SAFB2: variants seen among roughly 807,000 people sequenced by gnomAD.
SAFB2 encodes scaffold attachment factor B2.
SAFB2 carries 32 observed loss-of-function variants against 100.6 expected under a neutral mutation model. The ratio of observed to expected loss-of-function variants is 0.32; its 90% CI spans 0.24 to 0.43. The LOEUF (loss-of-function observed/expected upper bound fraction) is 0.43, where lower values mean the gene tolerates loss of function less well. Among genes scored for constraint, SAFB2 ranks in the 20% least tolerant of loss-of-function variants. SAFB2 has a pLI of 1.00. For synonymous variants in SAFB2, 500 were observed against 439.4 expected (o/e 1.14, Z -1.72); for missense variants, 1,185 against 1,163.4 (o/e 1.02, Z -0.27).
intron 18 of SAFB2, 69 bp from the exon 19 acceptor site, chr19:5,588,049 CCA>C: frequency 7.2e-7 from 1 of 1,380,292 alleles, no homozygotes; most frequent in Non-Finnish European, 9.9e-7. Context: ...GCAGGCGCAC[CCA>C]CCCTGACCTC....
At chr19:5,605,420 T>G (rs2052754924) in intron 9 of SAFB2, among the ~76,000 whole-genome samples, 1 of 152,160 alleles carries the variant, frequency 6.6e-6, no homozygotes. Flanking sequence ...ATACAACTGC[T>G]TTTAATACAA....
At chr19:5,593,606 A>C (rs1042583375) in intron 15 of SAFB2, 2 of 387,082 alleles carry the variant, frequency 5.2e-6, no homozygotes, top group Non-Finnish European at 9.2e-6. Context: ...TCCACGGGTA[A>C]GTGGAGAGGA....
At chr19:5,607,672 C>T (rs1270787701) in intron 9 of SAFB2, among the ~76,000 whole-genome samples, 1 of 152,198 alleles carries the variant, frequency 6.6e-6, no homozygotes, top group Non-Finnish European at 1.5e-5. Flanking sequence ...CCAAGCCCAC[C>T]ACCACTGGCG....
At position 5,590,364 on chromosome 19, in the gene SAFB2, G is replaced by C; in HGVS notation, c.2439C>G (p.Arg813=). 1 of 1,611,986 alleles carries C rather than the reference G, an allele frequency of 6.2e-7. No homozygotes were observed. The highest frequency in any genetic ancestry group is 1.1e-5 in the South Asian group (1 of 90,558). The change falls in exon 18 of 21, where the codon CGC becomes CGG. Residue 813 remains arginine (R), a synonymous_variant. Transcript: ENST00000252542. The stretch of plus-strand genomic sequence containing the variant: ...AGCCATCACGGGAGTCCCGGCCGTG[G>C]CGCTCTGGGGGTCCTCCGTGGCCAT... The part of the protein sequence containing the change: ...DRHGHGGPPE[R]HGRDSRDGWG...
chr19:5,595,224 C>T (rs2052510541), intron 14 of SAFB2, 137 bp downstream of exon 14: 1 of 1,187,936 alleles, frequency 8.4e-7, no homozygotes, highest in African/African-American at 1.5e-5. Context: ...CCTCGAGGAC[C>T]CAGGTTAAGC....
chr19:5,605,183 C>T (rs1245366456), intron 9 of SAFB2, among the ~76,000 whole-genome samples: 4 of 151,536 alleles, frequency 2.6e-5, no homozygotes, highest in African/African-American at 7.3e-5. Flanking sequence ...CGGCTCACCG[C>T]GACCTCCGCC....
chr19:5,620,411 T>TA (rs1017891766), intron 2 of SAFB2, among the ~76,000 whole-genome samples: 2 of 152,218 alleles, frequency 1.3e-5, no homozygotes, highest in Non-Finnish European at 2.9e-5. Flanking sequence ...CTTATCACCA[T>TA]AAAACCTAAC....
intron 2 of SAFB2, 147 bp from the exon 3 acceptor site, chr19:5,616,633 A>G: frequency 1.7e-6 from 1 of 581,508 alleles, no homozygotes; most frequent in Non-Finnish European, 2.9e-6. Context: ...ATTTTGTCTC[A>G]ATTTGTTTTC....
At chr19:5,617,880 G>A (rs1018459313) in intron 2 of SAFB2, among the ~76,000 whole-genome samples, 2 of 152,126 alleles carry the variant, frequency 1.3e-5, no homozygotes, top group East Asian at 1.9e-4. Flanking sequence ...AGTGGTTCAC[G>A]CCTGTAATCC....
Position 5,592,739 on chromosome 19 carries a change from C to T in SAFB2, c.2348+8G>A. The T allele has an allele frequency of 6.2e-7, 1 of 1,613,890 alleles. No homozygotes were observed. Among genetic ancestry groups the T allele is most frequent in the East Asian group, 2.2e-5 (1 of 44,884 alleles). On this transcript the variant is annotated splice_region_variant and intron_variant, in intron 16 of 20. Coordinates refer to ENST00000252542, the MANE Select transcript of SAFB2 (RefSeq NM_014649.3). ...ACTGTAGCTAAAGGAGGGGACAAGA[C>T]CACTGACCTGTCGATGGCGTGGTCC... is the stretch of plus-strand genomic sequence containing the variant.
Position 5,609,986 on chromosome 19 carries a change from A to C in SAFB2, c.1296+9T>G, listed in dbSNP as rs1257364568. On this transcript the variant is annotated intron_variant, in intron 9 of 20. Transcript: ENST00000252542. ...CACAGTGGATGGTATGAGGCAAGGG[A>C]AGGCATACCTTCCCATACTTGCTGA... The C allele has an allele frequency of 2.5e-6, 4 of 1,611,050 alleles. No individual in the cohort carries two copies. Among genetic ancestry groups the C allele is most frequent in the Non-Finnish European group, 3.4e-6 (4 of 1,177,664 alleles).
At chr19:5,615,650 T>G (rs1485664567) in intron 4 of SAFB2, among the ~76,000 whole-genome samples, 4 of 151,778 alleles carry the variant, frequency 2.6e-5, no homozygotes, top group African/African-American at 7.3e-5. Flanking sequence ...TGCAGTGAAT[T>G]ATGATGACCC....
rs1237737381 is a variant in SAFB2 at position 5,610,632 on chromosome 19, A to G, written c.1195+7T>C. 14 of 1,565,116 alleles carry G rather than the reference A, an allele frequency of 8.9e-6. No homozygotes were observed. Among genetic ancestry groups the G allele is most frequent in the Non-Finnish European group, 1.2e-5 (14 of 1,141,806 alleles). On this transcript the variant is annotated splice_region_variant and intron_variant, in intron 8 of 20. Coordinates refer to ENST00000252542, the MANE Select transcript of SAFB2 (RefSeq NM_014649.3). ...CTGGCTCCCTACCACGTTAAATTAA[A>G]TCATACCTTTTTCATCTTTAATGAT...
chr19:5,606,700 G>T (rs988030995), intron 9 of SAFB2, among the ~76,000 whole-genome samples: 1 of 152,142 alleles, frequency 6.6e-6, no homozygotes, highest in Non-Finnish European at 1.5e-5. Flanking sequence ...ACACAAATTG[G>T]TAACTGAAGG....
At chr19:5,620,440 C>G (rs576268903) in intron 2 of SAFB2, among the ~76,000 whole-genome samples, 2 of 152,262 alleles carry the variant, frequency 1.3e-5, no homozygotes, top group East Asian at 3.9e-4. Flanking sequence ...CTGGGATAGT[C>G]AAAGCTTCAA....
In SAFB2 at chr19:5,591,760, G is replaced by A. The variant is rs1482674293; in HGVS notation, c.2382C>T (p.His794=). 1 of 1,613,984 alleles carries A rather than the reference G, an allele frequency of 6.2e-7. No individual in the cohort carries two copies. The highest frequency in any genetic ancestry group is 8.5e-7 in the Non-Finnish European group (1 of 1,179,956). Residue 794 remains histidine (H), a synonymous_variant, in exon 17 of 21, where the codon CAC becomes CAT. Coordinates refer to ENST00000252542, the MANE Select transcript of SAFB2 (RefSeq NM_014649.3). ...REGSRPMMGD[H]RDGQHYGDDR... ...GGGCTCTACTCACCTGCCCATCCCG[G>A]TGGTCTCCCATCATTGGCCTCGAAC...
intron 15 of SAFB2, 74 bp from the exon 16 acceptor site, chr19:5,592,961 G>A: frequency 6.9e-7 from 1 of 1,453,532 alleles, no homozygotes. Flanking sequence ...GGAGGTGGAG[G>A]TGGGGAGGGG....
At chr19:5,608,577 T>C (rs957421287) in intron 9 of SAFB2, among the ~76,000 whole-genome samples, 2 of 152,186 alleles carry the variant, frequency 1.3e-5, no homozygotes, top group African/African-American at 4.8e-5. Context: ...AACCAACACC[T>C]GATCGGGTGA....
intron 9 of SAFB2, among the ~76,000 whole-genome samples, chr19:5,605,930 G>A (rs1202227054): frequency 3.9e-5 from 6 of 152,156 alleles, no homozygotes; most frequent in Non-Finnish European, 8.8e-5. Flanking sequence ...GCCACACAGA[G>A]CCACGCAGAG....
Sources: gnomAD v4.1 joint callset for allele counts (sites outside exome capture counted in the v4.1 genomes callset) on GRCh38, gnomAD v4.1.1 for gene constraint, MANE v1.5 for transcripts, NCBI Gene and HGNC (gene_info 2026-07-23, HGNC 2026-07-21) for gene names.